The following KCNMA1 variants were observed in gnomAD, a reference collection of about 807,000 sequenced individuals.
KCNMA1 encodes the protein potassium calcium-activated channel subfamily M alpha 1.
A neutral mutation model predicts 140.0 loss-of-function variants in KCNMA1; 29 were observed. The ratio of observed to expected loss-of-function variants is 0.21; its 90% confidence interval spans 0.15 to 0.28. The LOEUF (loss-of-function observed/expected upper bound fraction) is 0.28. Ranked by LOEUF, KCNMA1 falls within the 10% of genes least tolerant of loss-of-function variation. The pLI, the probability that KCNMA1 is intolerant of heterozygous loss-of-function variation, is 1.00. For synonymous variants in KCNMA1, 612 were observed against 611.9 expected, an observed-to-expected ratio of 1.00 and a Z score of 0.00; for missense variants, 880 against 1,602.2, an observed-to-expected ratio of 0.55 and a Z score of 7.70.
chr10:77,626,019 T>C (rs1603638949), intron 1 of KCNMA1, among the ~76,000 whole-genome samples: 1 of 107,944 alleles, frequency 9.3e-6, no homozygotes, highest in East Asian at 2.0e-4. Flanking sequence ...ACTGGTGATT[T>C]TCTATTTTTT....
rs201288668 is a variant in KCNMA1, at chr10:77,082,007, C to CTT, written c.1524-2459_1524-2458dup. ...GACCAGTAATTTCTTTTTTTCTTTT[C>CTT]TTTTTTTTTTTTTTTTTTTTTTTTT... On this transcript the variant is annotated intron_variant, in intron 12 of 27. Transcript: ENST00000286628. Among the ~76,000 whole-genome samples the CTT allele has an allele frequency of 3.0e-3, 97 of 32,468 alleles. 7 individuals are homozygous for CTT. The highest frequency in any genetic ancestry group is 0.026 in the East Asian group (53 of 2,028). The allele number at this position is 32,468 out of a possible 152,430, so 21.3% of individuals were successfully genotyped here. A position where few individuals can be genotyped will look rare whatever the true frequency, so the allele number is the denominator to read the frequency against.
chr10:76,973,776 A>G (rs1437680986), intron 19 of KCNMA1, among the ~76,000 whole-genome samples: 1 of 152,196 alleles, frequency 6.6e-6, no homozygotes, highest in African/African-American at 2.4e-5. Context: ...AAAAAAAGAA[A>G]TATCTTCCTT....
At chr10:76,942,432 T>G (rs368230961) in intron 23 of KCNMA1, among the ~76,000 whole-genome samples, 3 of 152,352 alleles carry the variant, frequency 2.0e-5, no homozygotes, top group East Asian at 1.9e-4. Flanking sequence ...CATAACTGTG[T>G]GCATGTGTGT....
chr10:77,210,684 G>A (rs556297646), intron 3 of KCNMA1, among the ~76,000 whole-genome samples: 28 of 152,182 alleles, frequency 1.8e-4, no homozygotes, highest in Admixed American at 1.3e-4. Flanking sequence ...CTTATAAAAG[G>A]CTGTTATAAC....
At chr10:77,523,127 C>T (rs1015706475) in intron 1 of KCNMA1, among the ~76,000 whole-genome samples, 1 of 151,764 alleles carries the variant, frequency 6.6e-6, no homozygotes, top group African/African-American at 2.4e-5. Context: ...TGGTCAAGCT[C>T]ATGCATAGCT....
At chr10:77,348,917 C>G (rs1046331817) in intron 2 of KCNMA1, among the ~76,000 whole-genome samples, 8 of 152,224 alleles carry the variant, frequency 5.3e-5, no homozygotes, top group South Asian at 2.1e-4. Flanking sequence ...CTCTCACACT[C>G]TTTCTCTGAG....
chr10:77,083,225 T>C (rs2096619156), intron 12 of KCNMA1, among the ~76,000 whole-genome samples: 1 of 152,144 alleles, frequency 6.6e-6, no homozygotes, highest in Non-Finnish European at 1.5e-5. Context: ...TCAGCCCTCT[T>C]AACTCTTCTG....
Position 77,019,086 on chromosome 10 carries a change from G to C in KCNMA1, c.1942C>G (p.Pro648Ala). ...TCTTGGATCTTAAGATGGTTTCCAGGATTAATTAATATACTGCTCAGTGAA... is the reference window on the plus strand; with the variant it reads ...TCTTGGATCTTAAGATGGTTTCCAGCATTAATTAATATACTGCTCAGTGAA... Reference protein sequence around the residue: ...ANRESRILINPGNHLKIQEGT... With the variant: ...ANRESRILINAGNHLKIQEGT... Residue 648 changes from proline (P) to alanine (A), a missense_variant, in exon 17 of 28, where the codon CCT (proline) becomes GCT (alanine). This residue lies in a region of KCNMA1 where 196 missense variants were observed against 233.0 expected (regional missense o/e 0.84). Coordinates refer to ENST00000286628, the MANE Select transcript of KCNMA1 (RefSeq NM_001161352.2). The C allele has an allele frequency of 6.4e-7, 1 of 1,561,430 alleles. No individual in the cohort carries two copies. The highest frequency in any genetic ancestry group is 8.8e-7 in the Non-Finnish European group (1 of 1,132,418).
intron 1 of KCNMA1, among the ~76,000 whole-genome samples, chr10:77,441,245 G>A (rs2097393095): frequency 6.6e-6 from 1 of 152,116 alleles, no homozygotes; most frequent in Admixed American, 6.5e-5. Context: ...TGCCTTATAA[G>A]TAATAGGGAG....
intron 5 of KCNMA1, among the ~76,000 whole-genome samples, chr10:77,175,059 G>T (rs1285279332): frequency 6.6e-6 from 1 of 152,084 alleles, no homozygotes; most frequent in East Asian, 1.9e-4. Flanking sequence ...AGATCACCAG[G>T]AGTGCTTGTT....
At chr10:77,060,468 A>G (rs1303264411) in intron 14 of KCNMA1, among the ~76,000 whole-genome samples, 2 of 152,100 alleles carry the variant, frequency 1.3e-5, no homozygotes, top group African/African-American at 4.8e-5. Context: ...CTGCCATTGC[A>G]TTTGGGGTGC....
chr10:77,425,703 C>G lies in KCNMA1; in HGVS notation c.379-21680G>C, dbSNP rs1009240156. Among the ~76,000 whole-genome samples, 17 of 152,286 alleles carry G rather than the reference C, an allele frequency of 1.1e-4. No individual in the cohort carries two copies. In the East Asian group the frequency reaches 3.3e-3, roughly 29 times the overall value. On this transcript the variant is annotated intron_variant, in intron 1 of 27. Transcript: ENST00000286628. ...TGATACTCAGCTCCCCAAGGCTGAA[C>G]TGGATGACTAAGAGTCCTAATGATT...
At chr10:77,342,419 G>T (rs575673298) in intron 2 of KCNMA1, among the ~76,000 whole-genome samples, 1 of 152,270 alleles carries the variant, frequency 6.6e-6, no homozygotes, top group African/African-American at 2.4e-5. Flanking sequence ...TCAGTCATTT[G>T]CCCAAGGCCT....
intron 5 of KCNMA1, among the ~76,000 whole-genome samples, chr10:77,155,058 A>C (rs1338014491): frequency 4.6e-5 from 7 of 152,156 alleles, no homozygotes; most frequent in Non-Finnish European, 7.3e-5. Flanking sequence ...CAGGGAGAAG[A>C]AGCCTGGGGG....
At chr10:77,277,482 C>G (rs1248592365) in intron 2 of KCNMA1, among the ~76,000 whole-genome samples, 2 of 152,202 alleles carry the variant, frequency 1.3e-5, no homozygotes, top group Non-Finnish European at 2.9e-5. Context: ...CTCCAACACC[C>G]AGTCCACATG....
chr10:77,138,562 C>G (rs11593513), intron 5 of KCNMA1, among the ~76,000 whole-genome samples: 15 of 152,138 alleles, frequency 9.9e-5, no homozygotes, highest in Non-Finnish European at 2.2e-4. Flanking sequence ...CTACCCCAGT[C>G]CCCCCAGGCC....
At chr10:77,124,355 G>T (rs779692159) in intron 5 of KCNMA1, among the ~76,000 whole-genome samples, 5 of 152,104 alleles carry the variant, frequency 3.3e-5, no homozygotes, top group Non-Finnish European at 7.3e-5. Flanking sequence ...TTTTAATTAA[G>T]GTGCATGAAA....
intron 16 of KCNMA1, chr10:77,025,308 C>T: frequency 5.7e-6 from 2 of 350,630 alleles, no homozygotes; most frequent in East Asian, 4.7e-5. Flanking sequence ...AATATAGATA[C>T]ACCAGACAAG....
chr10:77,151,052 TAAC>T (rs978018976), intron 5 of KCNMA1, among the ~76,000 whole-genome samples: 1 of 151,994 alleles, frequency 6.6e-6, no homozygotes, highest in African/African-American at 2.4e-5. Context: ...GTAGGAAAAA[TAAC>T]AATCATTCTC....
Sources: gnomAD v4.1 joint callset for allele counts (sites outside exome capture counted in the v4.1 genomes callset) on GRCh38, gnomAD v4.1.1 for gene constraint, gnomAD v4.1.1 regional missense constraint, MANE v1.5 for transcripts, NCBI Gene and HGNC (gene_info 2026-07-23, HGNC 2026-07-21) for gene names.